The following PARN variants were observed in gnomAD, a reference collection of about 807,000 sequenced individuals.
PARN encodes the protein poly(A)-specific ribonuclease PARN.
In PARN, 71 loss-of-function variants were observed where a neutral mutation model predicts 102.8. That is an observed-to-expected ratio of 0.69 (90% CI 0.57 to 0.84). The LOEUF is 0.84. Among genes scored for constraint, PARN ranks in the 40% least tolerant of loss-of-function variants. The probability of loss-of-function intolerance (pLI) is 0.00; values close to 1 mark genes in which losing one functional copy is unlikely to be tolerated. For missense variants in PARN, 782 were observed against 760.9 expected (o/e 1.03, Z -0.33); for synonymous variants, 261 against 252.9 (o/e 1.03, Z -0.30).
At chr16:14,490,070 A>C (rs1267532552) in intron 21 of PARN, among the ~76,000 whole-genome samples, 1 of 152,188 alleles carries the variant, frequency 6.6e-6, no homozygotes, top group Non-Finnish European at 1.5e-5. Flanking sequence ...AGGCTGGAGG[A>C]TTGTTTGAGC....
At chr16:14,462,650 G>GAGAAA (rs1555479493) in intron 22 of PARN, among the ~76,000 whole-genome samples, 1 of 150,616 alleles carries the variant, frequency 6.6e-6, no homozygotes, top group African/African-American at 2.5e-5. Flanking sequence ...GAGACAGAGA[G>GAGAAA]AGAAGAAGAA....
At chr16:14,612,698 G>A (rs1971590966) in intron 6 of PARN, among the ~76,000 whole-genome samples, 1 of 151,680 alleles carries the variant, frequency 6.6e-6, no homozygotes, top group South Asian at 2.1e-4. Flanking sequence ...CTCGGGTTCA[G>A]GCAATTCTCC....
intron 11 of PARN, among the ~76,000 whole-genome samples, chr16:14,601,086 C>A: frequency 6.6e-6 from 1 of 152,152 alleles, no homozygotes; most frequent in Non-Finnish European, 1.5e-5. Flanking sequence ...AAAAAGAATT[C>A]CCATATTACC....
At chr16:14,459,875 G>A (rs886906174) in intron 22 of PARN, among the ~76,000 whole-genome samples, 1 of 152,086 alleles carries the variant, frequency 6.6e-6, no homozygotes, top group South Asian at 2.1e-4. Flanking sequence ...TTTGACTAAG[G>A]AGTTGTAATT....
intron 12 of PARN, among the ~76,000 whole-genome samples, chr16:14,599,299 T>C (rs927763694): frequency 6.6e-6 from 1 of 152,106 alleles, no homozygotes; most frequent in South Asian, 2.1e-4. Context: ...CTTATCGGCC[T>C]CCCGAAGTGC....
In PARN at chr16:14,567,853, G is replaced by A. The variant is rs140488024; in HGVS notation, c.1263-12144C>T. 5.9e-4 allele frequency among the ~76,000 whole-genome samples: 90 copies of A among 152,212 alleles called. 1 individual carries two copies. In the East Asian group the frequency reaches 0.017, roughly 28 times the overall value. Reference sequence around the variant, plus strand: ...ACAAATTAGTGCAAATAACACACAGGGTAGGTATTTTCTTTTCACTTACAA... The same window carrying A: ...ACAAATTAGTGCAAATAACACACAGAGTAGGTATTTTCTTTTCACTTACAA... On this transcript the variant is annotated intron_variant, in intron 18 of 23. Transcript: ENST00000437198.
chr16:14,552,043 G>C lies in PARN; in HGVS notation c.1458C>G (p.Ser486Arg), dbSNP rs375177493. ...TACCAATCTTTACTTGCTCGGGCTG[G>C]CTAAGGGAAACAAATGCTGATGTGT... ...IDDTSAFVSL[S>R]QPEQVKIAVN... is the part of the protein sequence containing the mutation. Residue 486 changes from serine to arginine, a missense_variant, in exon 21 of 24, where the codon AGC (serine) becomes AGG (arginine). By Grantham distance (110) the Ser-to-Arg change is moderately radical (BLOSUM62 -1). Transcript: ENST00000437198. 35 of 1,611,720 alleles carry C rather than the reference G, an allele frequency of 2.2e-5. No homozygotes were observed. Among genetic ancestry groups the C allele is most frequent in the Non-Finnish European group, 3.0e-5 (35 of 1,178,246 alleles).
chr16:14,625,004 A>ACTCC lies in PARN; in HGVS notation c.327+2098_327+2101dup, dbSNP rs570647647. 4.2e-4 allele frequency among the ~76,000 whole-genome samples: 64 copies of ACTCC among 151,170 alleles called. 2 individuals carry two copies. Among genetic ancestry groups the ACTCC allele is most frequent in the South Asian group, 3.6e-3 (17 of 4,772 alleles). ...CTTTAGCCTGGGCAACAAGAGCGAA[A>ACTCC]CTCCATCTCAAAAAAAAAAGAACAA... On this transcript the variant is annotated intron_variant, in intron 5 of 23. Coordinates refer to ENST00000437198, the MANE Select transcript of PARN (RefSeq NM_002582.4).
intron 21 of PARN, among the ~76,000 whole-genome samples, chr16:14,491,386 A>G (rs529321065): frequency 6.6e-6 from 1 of 152,084 alleles, no homozygotes; most frequent in South Asian, 2.1e-4. Context: ...CTCTGAGGGA[A>G]GGGATTATAC....
chr16:14,551,907 CGAG>C, intron 21 of PARN, 111 bp downstream of exon 21: 1 of 630,440 alleles, frequency 1.6e-6, no homozygotes, highest in Non-Finnish European at 2.9e-6. Flanking sequence ...CAAAAACAAA[CGAG>C]GCAGCAATGA....
chr16:14,495,992 G>T (rs547750067), intron 21 of PARN, among the ~76,000 whole-genome samples: 2 of 152,304 alleles, frequency 1.3e-5, no homozygotes, highest in South Asian at 4.1e-4. Context: ...AGAGGCCATG[G>T]AGCTGGTACC....
At chr16:14,474,397 A>C (rs1184354775) in intron 22 of PARN, among the ~76,000 whole-genome samples, 1 of 152,182 alleles carries the variant, frequency 6.6e-6, no homozygotes, top group Non-Finnish European at 1.5e-5. Flanking sequence ...GTATGTTCCT[A>C]AACTAAAAAT....
intron 22 of PARN, among the ~76,000 whole-genome samples, chr16:14,462,878 G>C (rs1192789422): frequency 6.6e-6 from 1 of 152,186 alleles, no homozygotes; most frequent in Admixed American, 6.5e-5. Flanking sequence ...GAAGGCACTG[G>C]ACATTGGGCA....
At chr16:14,541,364 G>A (rs1445882539) in intron 21 of PARN, among the ~76,000 whole-genome samples, 1 of 152,062 alleles carries the variant, frequency 6.6e-6, no homozygotes, top group Non-Finnish European at 1.5e-5. Flanking sequence ...CATGCATGTG[G>A]CAAACTGGGA....
chr16:14,490,477 C>A (rs1170566866), intron 21 of PARN, among the ~76,000 whole-genome samples: 5 of 152,204 alleles, frequency 3.3e-5, no homozygotes, highest in African/African-American at 9.6e-5. Flanking sequence ...TGTGCAAACG[C>A]TGGAAGGAGT....
chr16:14,558,878 C>G (rs1025471950), intron 18 of PARN, among the ~76,000 whole-genome samples: 5 of 152,130 alleles, frequency 3.3e-5, no homozygotes, highest in African/African-American at 1.2e-4. Context: ...CTTTTACGAT[C>G]ATTTTTTAAA....
At chr16:14,478,426 G>T (rs118096591) in intron 22 of PARN, among the ~76,000 whole-genome samples, 1 of 152,128 alleles carries the variant, frequency 6.6e-6, no homozygotes, top group Non-Finnish European at 1.5e-5. Flanking sequence ...ATTTCTTAAC[G>T]TACTAGAAAT....
At chr16:14,550,944 G>A (rs1967258938) in intron 21 of PARN, among the ~76,000 whole-genome samples, 1 of 151,866 alleles carries the variant, frequency 6.6e-6, no homozygotes, top group Non-Finnish European at 1.5e-5. Context: ...GAGACGGGGT[G>A]CTCCATCTTT....
chr16:14,480,883 G>A (rs1391053481), intron 22 of PARN, among the ~76,000 whole-genome samples: 1 of 151,966 alleles, frequency 6.6e-6, no homozygotes, highest in African/African-American at 2.4e-5. Flanking sequence ...AGGCTGCAGT[G>A]AGCCAAGATC....
Sources: allele counts gnomAD v4.1 joint callset (sites outside exome capture counted in the v4.1 genomes callset), GRCh38; gene constraint gnomAD v4.1.1; transcripts MANE v1.5; gene names NCBI Gene and HGNC (gene_info 2026-07-23, HGNC 2026-07-21).